RAB2A: variants seen among roughly 807,000 people sequenced by gnomAD.
RAB2A encodes the protein RAB2A, member RAS oncogene family, also known as ras-related protein Rab-2A.
Under a neutral mutation model 32.5 loss-of-function variants are expected in RAB2A, and 7 were observed. That is an observed-to-expected ratio of 0.22 (90% confidence interval 0.12 to 0.40). The LOEUF (loss-of-function observed/expected upper bound fraction) is 0.40, where lower values mean the gene tolerates loss of function less well. Among genes scored for constraint, RAB2A ranks in the 10% least tolerant of loss-of-function variants. The pLI, the probability that RAB2A is intolerant of heterozygous loss-of-function variation, is 1.00. For synonymous variants in RAB2A, 79 were observed against 85.2 expected (o/e 0.93, Z 0.40); for missense variants, 108 against 260.7 (o/e 0.41, Z 4.03).
chr8:60,620,536 T>C (rs1804510864), intron 7 of RAB2A, 138 bp from the exon 8 acceptor site: 1 of 652,218 alleles, frequency 1.5e-6, no homozygotes, highest in East Asian at 2.8e-5. Context: ...ATTGTTTTAA[T>C]TGTTGCTAAA....
chr8:60,574,967 C>T (rs1351377799), intron 3 of RAB2A, among the ~76,000 whole-genome samples: 1 of 152,094 alleles, frequency 6.6e-6, no homozygotes, highest in East Asian at 1.9e-4. Flanking sequence ...ATGGAGAGCT[C>T]CCAGACCCAA....
chr8:60,581,909 A>AGTTTTTTGTT (rs202106202), intron 3 of RAB2A, among the ~76,000 whole-genome samples: 2,901 of 151,116 alleles, frequency 0.019, 81 homozygotes, highest in African/African-American at 0.067. Flanking sequence ...GGTATCTTCT[A>AGTTTTTTGTT]GTTTTTTGTT....
At chr8:60,575,652 T>G (rs1803598417) in intron 3 of RAB2A, among the ~76,000 whole-genome samples, 1 of 134,132 alleles carries the variant, frequency 7.5e-6, no homozygotes, top group Non-Finnish European at 1.5e-5. Flanking sequence ...AGGATATTTG[T>G]CTTTTTTTTT....
chr8:60,566,530 C>A (rs965624627), intron 2 of RAB2A, among the ~76,000 whole-genome samples: 1 of 152,108 alleles, frequency 6.6e-6, no homozygotes, highest in South Asian at 2.1e-4. Context: ...GCAAAAATTA[C>A]ATACAATGTC....
At chr8:60,570,031 T>C (rs1002047599) in intron 2 of RAB2A, 25 of 456,134 alleles carry the variant, frequency 5.5e-5, no homozygotes, top group Non-Finnish European at 8.4e-5. Flanking sequence ...TGTTAGCTTC[T>C]CATCTGCTCG....
chr8:60,547,452 C>T (rs979553509), intron 1 of RAB2A, among the ~76,000 whole-genome samples: 1 of 152,062 alleles, frequency 6.6e-6, no homozygotes, highest in Non-Finnish European at 1.5e-5. Context: ...AGAGGGGCTC[C>T]TCACTTCCCA....
intron 1 of RAB2A, among the ~76,000 whole-genome samples, chr8:60,544,061 CAAAAA>C (rs532347157): frequency 7.5e-5 from 7 of 93,750 alleles, no homozygotes; most frequent in Non-Finnish European, 6.7e-5. Context: ...GACTCCGTCT[CAAAAA>C]AAAAAAAAAA....
At chr8:60,536,920 A>G (rs920518571) in intron 1 of RAB2A, among the ~76,000 whole-genome samples, 1 of 152,232 alleles carries the variant, frequency 6.6e-6, no homozygotes, top group Non-Finnish European at 1.5e-5. Context: ...AGTGCCAACA[A>G]ATGATTCAGT....
intron 3 of RAB2A, among the ~76,000 whole-genome samples, chr8:60,582,121 A>T (rs965941535): frequency 2.7e-5 from 4 of 150,800 alleles, no homozygotes; most frequent in African/African-American, 9.7e-5. Flanking sequence ...AATTTTTAAA[A>T]TTTTTTTTGT....
chr8:60,576,929 CTG>C lies in RAB2A; in HGVS notation c.186+4818_186+4819del, dbSNP rs1317629903. Among the ~76,000 whole-genome samples, 6 of 152,366 alleles carry C rather than the reference CTG, an allele frequency of 3.9e-5. No homozygotes were observed. In the South Asian group the frequency reaches 8.3e-4, roughly 21 times the overall value. ...TTTGAACAACTACAGGGACAGGAAACTGTCTTAGACATTTCATTGTACTTTAG... is the reference window on the plus strand; with the variant it reads ...TTTGAACAACTACAGGGACAGGAAACTCTTAGACATTTCATTGTACTTTAG... On this transcript the variant is annotated intron_variant, in intron 3 of 7. Transcript: ENST00000262646.
intron 1 of RAB2A, among the ~76,000 whole-genome samples, chr8:60,531,750 T>A (rs981368876): frequency 2.0e-5 from 3 of 151,778 alleles, no homozygotes; most frequent in African/African-American, 7.3e-5. Context: ...TGTTTTTCAC[T>A]AGTCTTCAGG....
chr8:60,613,247 A>G (rs1804388923), intron 6 of RAB2A, among the ~76,000 whole-genome samples: 1 of 152,106 alleles, frequency 6.6e-6, no homozygotes, highest in South Asian at 2.1e-4. Context: ...CAGGGCACAT[A>G]CACATTTAGC....
intron 1 of RAB2A, among the ~76,000 whole-genome samples, chr8:60,526,910 A>G (rs1182872303): frequency 6.7e-6 from 1 of 149,886 alleles, no homozygotes; most frequent in Non-Finnish European, 1.5e-5. Context: ...GAGAGGTTGC[A>G]GTGAGCTGAG....
chr8:60,599,748 T>G (rs1267804713), intron 6 of RAB2A, among the ~76,000 whole-genome samples: 1 of 151,948 alleles, frequency 6.6e-6, no homozygotes, highest in African/African-American at 2.4e-5. Flanking sequence ...CTCCTAAGTC[T>G]CACACCTTAA....
chr8:60,517,083 A>T lies in RAB2A; in HGVS notation c.-125A>T. Reference sequence around the variant, plus strand: ...CAGCCCCTCACTCCCGGCGGCTGACAGCAGCAGCGGCGGCGGCGGGCGGCG... The same window carrying T: ...CAGCCCCTCACTCCCGGCGGCTGACTGCAGCAGCGGCGGCGGCGGGCGGCG... On this transcript the variant is annotated 5_prime_UTR_variant, in exon 1 of 8. Coordinates refer to ENST00000262646, the MANE Select transcript of RAB2A (RefSeq NM_002865.3). The T allele has an allele frequency of 2.0e-6, 2 of 1,020,674 alleles. No individual in the cohort carries two copies. The highest frequency in any genetic ancestry group is 4.0e-5 in the South Asian group (2 of 49,704). 63.2% of individuals were successfully genotyped at this position (1,020,674 alleles called of 1,614,324 possible).
intron 1 of RAB2A, among the ~76,000 whole-genome samples, chr8:60,543,655 C>T (rs751887817): frequency 1.2e-4 from 18 of 152,130 alleles, no homozygotes; most frequent in Admixed American, 1.3e-4. Flanking sequence ...TACAGTAAAC[C>T]GCCAGAGAGT....
intron 6 of RAB2A, among the ~76,000 whole-genome samples, chr8:60,617,730 G>A (rs979021999): frequency 2.0e-5 from 3 of 152,226 alleles, no homozygotes; most frequent in Non-Finnish European, 2.9e-5. Flanking sequence ...AGGCGACAGG[G>A]TGAGCCCCTG....
At chr8:60,529,496 AC>A (rs1362098801) in intron 1 of RAB2A, among the ~76,000 whole-genome samples, 2 of 152,198 alleles carry the variant, frequency 1.3e-5, no homozygotes, top group African/African-American at 4.8e-5. Flanking sequence ...TATGACCCAT[AC>A]ATCTTACGGA....
chr8:60,517,060 G>C lies in RAB2A; in HGVS notation c.-148G>C. ...TGTCAGTTCGTCCGGCTTCCTCACA[G>C]CCCCTCACTCCCGGCGGCTGACAGC... On this transcript the variant is annotated 5_prime_UTR_variant, in exon 1 of 8. Transcript: ENST00000262646. 1.4e-6 allele frequency: 1 copy of C among 725,292 alleles called. No homozygotes were observed. The highest frequency in any genetic ancestry group is 2.1e-6 in the Non-Finnish European group (1 of 478,140). The allele number at this position is 725,292 out of a possible 1,614,324, so 44.9% of individuals were successfully genotyped here.
Sources: allele counts gnomAD v4.1 joint callset (sites outside exome capture counted in the v4.1 genomes callset), GRCh38; gene constraint gnomAD v4.1.1; transcripts MANE v1.5; gene names NCBI Gene and HGNC (gene_info 2026-07-23, HGNC 2026-07-21).